EED: variants seen among roughly 807,000 people sequenced by gnomAD.
EED encodes the protein embryonic ectoderm development.
In EED, 9 loss-of-function variants were observed where a neutral mutation model predicts 61.0. The ratio of observed to expected loss-of-function variants is 0.15; its 90% CI spans 0.09 to 0.26. The LOEUF is 0.26. Among genes scored for constraint, EED ranks in the 10% least tolerant of loss-of-function variants. The probability of loss-of-function intolerance (pLI) is 1.00; values close to 1 mark genes in which losing one functional copy is unlikely to be tolerated. For synonymous variants in EED, 187 were observed against 174.4 expected (o/e 1.07, Z -0.57); for missense variants, 315 against 542.3 (o/e 0.58, Z 4.16).
At position 86,255,269 on chromosome 11, in the gene EED, A is replaced by G. The variant is rs367879986; in HGVS notation, c.408A>G (p.Gln136=). The change falls in exon 4 of 12, where the codon CAA becomes CAG. Residue 136 remains glutamine, a synonymous_variant. Coordinates refer to ENST00000263360, the MANE Select transcript of EED (RefSeq NM_003797.5). The stretch of plus-strand genomic sequence containing the variant: ...CACAAGGAGAAATCCGGTTGTTGCA[A>G]TCTTACGTGGATGCTGATGTATCCT... ...CHSQGEIRLL[Q]SYVDADADEN... The G allele has an allele frequency of 6.9e-5, 111 of 1,609,996 alleles. No homozygotes were observed. Among genetic ancestry groups the G allele is most frequent in the Middle Eastern group, 1.6e-4 (1 of 6,062 alleles).
chr11:86,276,136 T>C (rs1480082247), intron 9 of EED: 1 of 152,162 alleles, frequency 6.6e-6, no homozygotes. Flanking sequence ...AGTAGCATCT[T>C]TGGCCTCTAC....
chr11:86,272,304 T>C (rs7112457), intron 9 of EED, among the ~76,000 whole-genome samples: 4,686 of 151,136 alleles, frequency 0.031, 237 homozygotes, highest in African/African-American at 0.11. Context: ...GTGATCCACC[T>C]GCTTCGGCCT....
At chr11:86,256,851 G>C (rs1461148133) in intron 5 of EED, among the ~76,000 whole-genome samples, 1 of 152,128 alleles carries the variant, frequency 6.6e-6, no homozygotes, top group Admixed American at 6.5e-5. Flanking sequence ...TTATCAAAGG[G>C]ACCTTGTAAC....
chr11:86,277,132 G>T lies in EED; in HGVS notation c.1119G>T (p.Trp373Cys), dbSNP rs1405614156. 6.3e-7 allele frequency: 1 copy of T among 1,578,622 alleles called. No individual in the cohort carries two copies. Among genetic ancestry groups the T allele is most frequent in the South Asian group, 1.2e-5 (1 of 85,496 alleles). ...ACATGAGGTTTTCTATGGATTTCTG[G>T]CAAAAGGTATCAACATACTTTTACA... The part of the protein sequence containing the change: ...IWYMRFSMDF[W>C]QKMLALGNQV... The change falls in exon 10 of 12, where the codon TGG becomes TGT. Residue 373 changes from tryptophan (W) to cysteine (C), a missense_variant. Physicochemically the swap from Trp to Cys is radical, Grantham distance 215. Transcript: ENST00000263360.
chr11:86,254,608 T>G (rs568595334), intron 3 of EED, among the ~76,000 whole-genome samples: 2 of 149,240 alleles, frequency 1.3e-5, no homozygotes, highest in African/African-American at 4.9e-5. Flanking sequence ...CATGAGCCAC[T>G]GTGTCCGGAC....
chr11:86,278,022 T>G (rs758451458), intron 11 of EED, 31 bp downstream of exon 11: 2 of 1,485,844 alleles, frequency 1.3e-6, no homozygotes, highest in Non-Finnish European at 1.8e-6. Flanking sequence ...GTTCAAAATT[T>G]CAGGCTTTTT....
intron 3 of EED, among the ~76,000 whole-genome samples, chr11:86,254,905 G>A (rs1945631514): frequency 6.6e-6 from 1 of 152,242 alleles, no homozygotes; most frequent in Non-Finnish European, 1.5e-5. Context: ...ACAGGCGTGA[G>A]CCACCGTGCC....
At chr11:86,272,359 C>T (rs1946138382) in intron 9 of EED, among the ~76,000 whole-genome samples, 1 of 151,896 alleles carries the variant, frequency 6.6e-6, no homozygotes, top group African/African-American at 2.4e-5. Context: ...CGCCCGGCCA[C>T]TGTTGGTTTA....
chr11:86,252,310 A>T, intron 3 of EED, 70 bp downstream of exon 3: 1 of 1,109,000 alleles, frequency 9.0e-7, no homozygotes, highest in Non-Finnish European at 1.3e-6. Flanking sequence ...ATATTGAAAT[A>T]GAATAATTTC....
chr11:86,278,631 G>T lies in EED; in HGVS notation c.*106G>T. 6.9e-7 allele frequency: 1 copy of T among 1,445,472 alleles called. No individual in the cohort carries two copies. Among genetic ancestry groups the T allele is most frequent in the Non-Finnish European group, 9.3e-7 (1 of 1,073,266 alleles). 89.5% of individuals were successfully genotyped at this position (1,445,472 alleles called of 1,614,324 possible). Reference sequence around the variant, plus strand: ...GTAGAGCATTTAGAGTTGTCTTTCAGCATTCAATCAGGCTGAGCTGAATGT... The same window carrying T: ...GTAGAGCATTTAGAGTTGTCTTTCATCATTCAATCAGGCTGAGCTGAATGT... On this transcript the variant is annotated 3_prime_UTR_variant, in exon 12 of 12. Coordinates refer to ENST00000263360, the MANE Select transcript of EED (RefSeq NM_003797.5).
In EED at chr11:86,245,070, C is replaced by A; in HGVS notation, c.-160C>A. On this transcript the variant is annotated 5_prime_UTR_variant, in exon 1 of 12. Coordinates refer to ENST00000263360, the MANE Select transcript of EED (RefSeq NM_003797.5). ...GCAGTGTGGCGGGGTCGCACGCACG[C>A]CCGCCTCGGCGGCTGGGCGCGATTT... 2 of 563,196 alleles carry A rather than the reference C, an allele frequency of 3.6e-6. No individual in the cohort carries two copies. The highest frequency in any genetic ancestry group is 6.1e-6 in the Non-Finnish European group (2 of 327,066). The allele number at this position is 563,196 out of a possible 1,614,324, so 34.9% of individuals were successfully genotyped here. A position where few individuals can be genotyped will look rare whatever the true frequency, so the allele number is the denominator to read the frequency against.
chr11:86,252,363 A>G (rs1945553779), intron 3 of EED, 123 bp downstream of exon 3: 2 of 614,352 alleles, frequency 3.3e-6, no homozygotes, highest in African/African-American at 1.8e-5. Context: ...TGATTCTTTC[A>G]TGTAAGAGTG....
chr11:86,250,362 A>C lies in EED; in HGVS notation c.181A>C (p.Asn61His). ...CCCTGATACACCTACAAACACGCCA[A>C]ATGCACCTGGAAGGAAAAGTTGGGG... ...ERPDTPTNTP[N>H]APGRKSWGKG... The change falls in exon 2 of 12, where the codon AAT becomes CAT. Residue 61 changes from asparagine to histidine, a missense_variant. Physicochemically the swap from Asn to His is moderately conservative, Grantham distance 68. This residue lies in a region of EED where 110 missense variants were observed against 86.9 expected (regional missense o/e 1.27). Transcript: ENST00000263360. 1 of 1,609,300 alleles carries C rather than the reference A, an allele frequency of 6.2e-7. No homozygotes were observed. Among genetic ancestry groups the C allele is most frequent in the Non-Finnish European group, 8.5e-7 (1 of 1,178,040 alleles).
chr11:86,250,222 T>A (rs971330903), intron 1 of EED, 74 bp from the exon 2 acceptor site: 62 of 1,306,310 alleles, frequency 4.7e-5, no homozygotes, highest in Middle Eastern at 2.0e-4. Flanking sequence ...AGTCAGCATC[T>A]TCCCAGTAGA....
At chr11:86,272,319 A>G (rs1021425434) in intron 9 of EED, among the ~76,000 whole-genome samples, 4 of 151,542 alleles carry the variant, frequency 2.6e-5, no homozygotes, top group Non-Finnish European at 4.4e-5. Flanking sequence ...CGGCCTCCCG[A>G]CGTGCTGGGG....
chr11:86,247,913 T>C (rs964680001), intron 1 of EED, among the ~76,000 whole-genome samples: 3 of 152,370 alleles, frequency 2.0e-5, no homozygotes, highest in East Asian at 3.9e-4. Context: ...TTGTGTTACC[T>C]GCCATTTTAT....
chr11:86,260,492 G>A (rs1345418376), intron 6 of EED, among the ~76,000 whole-genome samples: 1 of 151,910 alleles, frequency 6.6e-6, no homozygotes, highest in East Asian at 1.9e-4. Context: ...GCCTCCCAAA[G>A]TGCTGGGATT....
intron 9 of EED, chr11:86,270,031 G>C: frequency 3.0e-6 from 2 of 663,682 alleles, no homozygotes; most frequent in South Asian, 3.2e-5. Context: ...CAATTGCTGG[G>C]TTGTGGTTAA....
chr11:86,277,976 A>G lies in EED; in HGVS notation c.1184A>G (p.Asp395Gly), dbSNP rs1946270773. ...TATGTTTGGGATTTAGAAGTAGAAG[A>G]TCCTCATAAAGCCAAGTAAGTATTT... ...KLYVWDLEVE[D>G]PHKAKCTTLT... is the part of the protein sequence containing the mutation. The change falls in exon 11 of 12, where the codon GAT becomes GGT. Residue 395 changes from aspartate (D) to glycine (G), a missense_variant. Around this residue, in one of 2 missense-constraint regions of EED, gnomAD observed 205 missense variants for 455.4 expected, o/e 0.45. Transcript: ENST00000263360. 1.9e-6 allele frequency: 3 copies of G among 1,542,620 alleles called. No individual in the cohort carries two copies. Among genetic ancestry groups the G allele is most frequent in the African/African-American group, 1.4e-5 (1 of 70,188 alleles).
Sources: allele counts gnomAD v4.1 joint callset (sites outside exome capture counted in the v4.1 genomes callset), GRCh38; gene constraint gnomAD v4.1.1; regional missense constraint gnomAD v4.1.1; transcripts MANE v1.5; gene names NCBI Gene and HGNC (gene_info 2026-07-23, HGNC 2026-07-21).